Variants in TASP1 observed in about 807,000 individuals in gnomAD.
TASP1 encodes the protein threonine aspartase 1.
In TASP1, 16 loss-of-function variants were observed where a neutral mutation model predicts 56.6. The ratio of observed to expected loss-of-function variants is 0.28; its 90% CI spans 0.19 to 0.43. The LOEUF is 0.43. TASP1 is among the 20% of genes least tolerant of loss of function. TASP1 has a pLI of 1.00. For missense variants in TASP1, 393 were observed against 511.6 expected, an observed-to-expected ratio of 0.77 and a Z score of 2.24; for synonymous variants, 179 against 184.2, an observed-to-expected ratio of 0.97 and a Z score of 0.23.
At chr20:13,461,057 G>A (rs893194196) in intron 11 of TASP1, among the ~76,000 whole-genome samples, 1 of 152,078 alleles carries the variant, frequency 6.6e-6, no homozygotes, top group Non-Finnish European at 1.5e-5. Context: ...CACTGCTCCA[G>A]CCACACAGGC....
At chr20:13,187,342 T>A in the TASP1 span, among the ~76,000 whole-genome samples, 1 of 151,696 alleles carries the variant, frequency 6.6e-6, no homozygotes, top group Non-Finnish European at 1.5e-5. Context: ...CCAAAACTAA[T>A]TACAGACACT....
the TASP1 span, among the ~76,000 whole-genome samples, chr20:13,289,783 T>C: frequency 6.6e-6 from 1 of 152,144 alleles, no homozygotes; most frequent in Non-Finnish European, 1.5e-5. Context: ...TAACTCCTGG[T>C]GTATAGTCTT....
intron 13 of TASP1, among the ~76,000 whole-genome samples, chr20:13,395,868 A>AT (rs879720393): frequency 1.5e-3 from 209 of 142,544 alleles, no homozygotes; most frequent in Admixed American, 1.8e-3. Context: ...CACCTGGCTA[A>AT]TTTTTTTTTT....
At chr20:13,229,723 G>A in the TASP1 span, among the ~76,000 whole-genome samples, 2 of 152,048 alleles carry the variant, frequency 1.3e-5, no homozygotes, top group Non-Finnish European at 2.9e-5. Flanking sequence ...ATAGTATTGT[G>A]GTAATTCTTC....
chr20:13,259,230 G>A, the TASP1 span, among the ~76,000 whole-genome samples: 1 of 150,750 alleles, frequency 6.6e-6, no homozygotes, highest in East Asian at 2.0e-4. Flanking sequence ...GCAGTGAGCC[G>A]AGATCGTACC....
intron 6 of TASP1, among the ~76,000 whole-genome samples, chr20:13,580,309 C>T (rs966224228): frequency 3.3e-5 from 5 of 151,892 alleles, no homozygotes; most frequent in Admixed American, 6.6e-5. Flanking sequence ...TGTCCAGGAA[C>T]GGTGGCACAT....
the TASP1 span, among the ~76,000 whole-genome samples, chr20:13,282,904 C>T: frequency 1.3e-5 from 2 of 152,332 alleles, no homozygotes; most frequent in South Asian, 2.1e-4. Flanking sequence ...ATTGTAGGTG[C>T]TCAGTAGCAT....
the TASP1 span, among the ~76,000 whole-genome samples, chr20:13,144,529 C>A: frequency 6.6e-6 from 1 of 152,144 alleles, no homozygotes; most frequent in Non-Finnish European, 1.5e-5. Flanking sequence ...ACCTAACGCA[C>A]AAATCTATTG....
rs115417080 is a variant in TASP1, at chr20:13,543,475, A to T, written c.676-9334T>A. The stretch of plus-strand genomic sequence containing the variant: ...AAAATAGCCAGGCACAATGGCATGC[A>T]CCTGTAGCCCAGCTACTCAGAAGGC... On this transcript the variant is annotated intron_variant, in intron 8 of 13. Coordinates refer to ENST00000337743, the MANE Select transcript of TASP1 (RefSeq NM_017714.3). Among the ~76,000 whole-genome samples the T allele has an allele frequency of 2.1e-3, 316 of 152,210 alleles. 1 individual carries two copies. Among genetic ancestry groups the T allele is most frequent in the African/African-American group, 7.3e-3 (302 of 41,530 alleles).
the TASP1 span, among the ~76,000 whole-genome samples, chr20:13,130,101 G>T: frequency 2.0e-5 from 3 of 152,234 alleles, no homozygotes; most frequent in Non-Finnish European, 2.9e-5. Context: ...AGGTAGTTCT[G>T]CCTGACACAT....
intron 9 of TASP1, among the ~76,000 whole-genome samples, chr20:13,529,543 T>C (rs1041274566): frequency 6.6e-6 from 1 of 152,178 alleles, no homozygotes; most frequent in East Asian, 1.9e-4. Context: ...CATGGCATTA[T>C]GTGGAATTCA....
At chr20:13,507,456 C>A (rs1419264005) in intron 10 of TASP1, among the ~76,000 whole-genome samples, 1 of 151,968 alleles carries the variant, frequency 6.6e-6, no homozygotes, top group Non-Finnish European at 1.5e-5. Flanking sequence ...TCACTTGAGC[C>A]CAGGAGGCGA....
chr20:13,562,796 T>A (rs2046385102), intron 7 of TASP1, among the ~76,000 whole-genome samples: 1 of 150,886 alleles, frequency 6.6e-6, no homozygotes, highest in Non-Finnish European at 1.5e-5. Context: ...AGAATCATCT[T>A]AGTCTGGGCA....
chr20:13,161,798 G>A, the TASP1 span, among the ~76,000 whole-genome samples: 3 of 152,186 alleles, frequency 2.0e-5, no homozygotes, highest in Non-Finnish European at 1.5e-5. Context: ...GATAACTTGA[G>A]TTTGAAATTA....
intron 11 of TASP1, among the ~76,000 whole-genome samples, chr20:13,473,667 T>C (rs1414446655): frequency 6.6e-6 from 1 of 152,122 alleles, no homozygotes; most frequent in Non-Finnish European, 1.5e-5. Flanking sequence ...AACCCCAAGA[T>C]TTTCCCTCCT....
intron 12 of TASP1, among the ~76,000 whole-genome samples, chr20:13,421,584 G>A (rs1380572005): frequency 1.3e-5 from 2 of 152,118 alleles, no homozygotes; most frequent in Non-Finnish European, 2.9e-5. Context: ...TAAAACATAT[G>A]AAAAGATAAT....
rs938621436 is a variant in TASP1 at position 13,587,350 on chromosome 20, T to C, written c.303A>G (p.Ala101=). ...VELEDSPFTN[A]GMGSNLNLLG... is the part of the protein sequence containing the mutation. Reference sequence around the variant, plus strand: ...ACAGATTTAGATTAGATCCCATTCCTGCATTTGTAAAAGGAGAATCCTAAA... The same window carrying C: ...ACAGATTTAGATTAGATCCCATTCCCGCATTTGTAAAAGGAGAATCCTAAA... The change falls in exon 5 of 14, where the codon GCA becomes GCG. Residue 101 remains alanine (A), a synonymous_variant. Transcript: ENST00000337743. The C allele has an allele frequency of 1.2e-5, 19 of 1,607,062 alleles. No individual in the cohort carries two copies. Among genetic ancestry groups the C allele is most frequent in the Non-Finnish European group, 1.6e-5 (19 of 1,177,016 alleles).
the TASP1 span, among the ~76,000 whole-genome samples, chr20:13,358,404 G>C: frequency 1.3e-5 from 2 of 152,274 alleles, no homozygotes; most frequent in African/African-American, 4.8e-5. Context: ...TCTTTGCTCC[G>C]TGAGAAAGAT....
the TASP1 span, among the ~76,000 whole-genome samples, chr20:13,178,113 A>G: frequency 1.3e-5 from 2 of 152,200 alleles, no homozygotes; most frequent in Non-Finnish European, 2.9e-5. Context: ...ACATTTCTCA[A>G]AAGACATACA....
Sources: allele counts gnomAD v4.1 joint callset (sites outside exome capture counted in the v4.1 genomes callset), GRCh38; gene constraint gnomAD v4.1.1; transcripts MANE v1.5; gene names NCBI Gene and HGNC (gene_info 2026-07-23, HGNC 2026-07-21).